NRG3: variants seen among roughly 807,000 people sequenced by gnomAD.
NRG3 encodes the protein neuregulin 3.
NRG3 carries 31 observed loss-of-function variants against 66.9 expected under a neutral mutation model. That is an observed-to-expected ratio of 0.46 (90% confidence interval 0.35 to 0.63). The LOEUF (loss-of-function observed/expected upper bound fraction) is 0.63. Ranked by LOEUF, NRG3 falls within the 20% of genes least tolerant of loss-of-function variation. NRG3 has a pLI of 0.00. For missense variants in NRG3, 910 were observed against 878.9 expected, an observed-to-expected ratio of 1.04 and a Z score of -0.45; for synonymous variants, 393 against 359.4, an observed-to-expected ratio of 1.09 and a Z score of -1.06.
intron 1 of NRG3, among the ~76,000 whole-genome samples, chr10:81,889,923 A>G (rs570925669): frequency 6.6e-6 from 1 of 152,312 alleles, no homozygotes; most frequent in African/African-American, 2.4e-5. Context: ...GTAAGCTTCT[A>G]AATGACCTTT....
At chr10:82,096,301 C>A (rs1394012665) in intron 1 of NRG3, among the ~76,000 whole-genome samples, 1 of 151,878 alleles carries the variant, frequency 6.6e-6, no homozygotes, top group Non-Finnish European at 1.5e-5. Flanking sequence ...ATGGTGAAAC[C>A]CCATCTCTAC....
intron 1 of NRG3, among the ~76,000 whole-genome samples, chr10:82,336,203 C>CAAA (rs36030759): frequency 6.9e-6 from 1 of 145,530 alleles, no homozygotes; most frequent in Non-Finnish European, 1.5e-5. Flanking sequence ...AGGTGTGTAC[C>CAAA]AAAAAAAAAA....
Position 82,741,854 on chromosome 10 carries a change from A to G in NRG3, c.1027+3204A>G, listed in dbSNP as rs1236393898. Among the ~76,000 whole-genome samples, 6 of 152,218 alleles carry G rather than the reference A, an allele frequency of 3.9e-5. No individual in the cohort carries two copies. In the East Asian group the frequency reaches 5.8e-4, roughly 15 times the overall value. On this transcript the variant is annotated intron_variant, in intron 3 of 8. Coordinates refer to ENST00000372141, the MANE Select transcript of NRG3 (RefSeq NM_001010848.4). The stretch of plus-strand genomic sequence containing the variant: ...TCTAAATTCCACTGACTGAAACTCA[A>G]TGACCTGCGGCAAACATTATTCTAA...
At chr10:82,925,468 A>AT (rs1846890468) in intron 4 of NRG3, among the ~76,000 whole-genome samples, 2 of 152,306 alleles carry the variant, frequency 1.3e-5, no homozygotes, top group South Asian at 4.1e-4. Context: ...AGAGCTTTGT[A>AT]TTTTAAGTGC....
chr10:82,145,092 A>G (rs1160041384), intron 1 of NRG3, among the ~76,000 whole-genome samples: 2 of 152,162 alleles, frequency 1.3e-5, no homozygotes, highest in African/African-American at 4.8e-5. Context: ...CATTGTTTGC[A>G]TTGCTTGCAC....
chr10:82,311,118 G>T (rs2081002551), intron 1 of NRG3, among the ~76,000 whole-genome samples: 1 of 142,934 alleles, frequency 7.0e-6, no homozygotes, highest in African/African-American at 2.8e-5. Flanking sequence ...GTTGCTCTAA[G>T]ATTGAGCCAA....
intron 2 of NRG3, among the ~76,000 whole-genome samples, chr10:82,408,125 AAG>A (rs1166474710): frequency 2.1e-5 from 3 of 144,450 alleles, no homozygotes; most frequent in Non-Finnish European, 4.5e-5. Context: ...GAAAGAAAGA[AAG>A]AAAGAAAGAA....
chr10:82,700,514 C>G lies in NRG3; in HGVS notation c.954-38063C>G, dbSNP rs980115518. Among the ~76,000 whole-genome samples the G allele has an allele frequency of 3.3e-5, 5 of 152,084 alleles. No homozygotes were observed. The East Asian group carries it at 7.7e-4, about 23-fold the overall frequency. ...GAATTGCAGCTAGGTTTTGACAGAG[C>G]CTGTTGAGAAGTGGAGGCAAACATG... On this transcript the variant is annotated intron_variant, in intron 2 of 8. Transcript: ENST00000372141.
intron 1 of NRG3, among the ~76,000 whole-genome samples, chr10:82,290,800 A>AT (rs11369490): frequency 0.43 from 60,635 of 141,684 alleles, 14,358 homozygotes; most frequent in African/African-American, 0.65. Flanking sequence ...CGCCTGGCTA[A>AT]TTTTTTTTTT....
At chr10:82,561,957 A>G (rs941738061) in intron 2 of NRG3, among the ~76,000 whole-genome samples, 1 of 152,182 alleles carries the variant, frequency 6.6e-6, no homozygotes, top group Non-Finnish European at 1.5e-5. Flanking sequence ...AAGTTACTTA[A>G]TGAGACTGGT....
In NRG3 at chr10:82,940,291, T is replaced by C. The variant is rs181729558; in HGVS notation, c.1055-11178T>C. On this transcript the variant is annotated intron_variant, in intron 4 of 8. Coordinates refer to ENST00000372141, the MANE Select transcript of NRG3 (RefSeq NM_001010848.4). ...CTTATCGAGGTATTAGCAGACTTGGTTTCTTCTGAGGGCTGTGAAGGGGTA... is the reference window on the plus strand; with the variant it reads ...CTTATCGAGGTATTAGCAGACTTGGCTTCTTCTGAGGGCTGTGAAGGGGTA... Among the ~76,000 whole-genome samples, 3 of 152,228 alleles carry C rather than the reference T, an allele frequency of 2.0e-5. No individual in the cohort carries two copies. In the East Asian group the frequency reaches 5.8e-4, roughly 30 times the overall value.
chr10:82,336,545 T>C (rs1027343296), intron 1 of NRG3, among the ~76,000 whole-genome samples: 5 of 144,092 alleles, frequency 3.5e-5, no homozygotes, highest in South Asian at 2.1e-4. Flanking sequence ...TTTTTTTTTT[T>C]ACAGTCTTGT....
intron 1 of NRG3, among the ~76,000 whole-genome samples, chr10:82,193,245 C>T (rs887344863): frequency 1.3e-5 from 2 of 152,098 alleles, no homozygotes; most frequent in African/African-American, 2.4e-5. Flanking sequence ...TGGGTTCAAG[C>T]GATTCTCCTC....
intron 2 of NRG3, among the ~76,000 whole-genome samples, chr10:82,497,336 C>T (rs1369280218): frequency 6.6e-6 from 1 of 152,188 alleles, no homozygotes; most frequent in Non-Finnish European, 1.5e-5. Context: ...GTGTGGTGCA[C>T]ACTTATACAA....
chr10:82,442,084 A>T (rs543267448), intron 2 of NRG3, among the ~76,000 whole-genome samples: 167 of 152,308 alleles, frequency 1.1e-3, no homozygotes, highest in Non-Finnish European at 1.7e-3. Flanking sequence ...GGTAGGATAT[A>T]ATGTGTGTTT....
intron 2 of NRG3, among the ~76,000 whole-genome samples, chr10:82,531,538 TATTA>T (rs1184001100): frequency 2.6e-5 from 4 of 151,856 alleles, no homozygotes; most frequent in African/African-American, 7.2e-5. Flanking sequence ...TAAGCCAATT[TATTA>T]ATTAATAAAC....
chr10:81,955,312 A>G (rs944032844), intron 1 of NRG3, among the ~76,000 whole-genome samples: 9 of 151,944 alleles, frequency 5.9e-5, no homozygotes, highest in Non-Finnish European at 8.8e-5. Context: ...TTGAAATCTG[A>G]GGGCTGGAAG....
At chr10:81,908,648 C>G (rs375771041) in intron 1 of NRG3, among the ~76,000 whole-genome samples, 1 of 152,130 alleles carries the variant, frequency 6.6e-6, no homozygotes, top group African/African-American at 2.4e-5. Flanking sequence ...CTTTGTTCCT[C>G]TCTATGTGGG....
At chr10:82,819,136 C>A (rs949352704) in intron 3 of NRG3, among the ~76,000 whole-genome samples, 1 of 152,156 alleles carries the variant, frequency 6.6e-6, no homozygotes, top group Non-Finnish European at 1.5e-5. Flanking sequence ...TATTTGAAGG[C>A]ACATTAATTT....
Sources: gnomAD v4.1 joint callset for allele counts (sites outside exome capture counted in the v4.1 genomes callset) on GRCh38, gnomAD v4.1.1 for gene constraint, MANE v1.5 for transcripts, NCBI Gene and HGNC (gene_info 2026-07-23, HGNC 2026-07-21) for gene names.